Variants in SYT14 observed in about 807,000 individuals in gnomAD.
SYT14 encodes the protein synaptotagmin 14.
In SYT14, 32 loss-of-function variants were observed where a neutral mutation model predicts 74.2. The observed-to-expected ratio is 0.43, with a 90% CI of 0.33 to 0.58. SYT14 has a LOEUF of 0.58. Ranked by LOEUF, SYT14 falls within the 20% of genes least tolerant of loss-of-function variation. The pLI, the probability that SYT14 is intolerant of heterozygous loss-of-function variation, is 0.05. For missense variants in SYT14, 791 were observed against 981.8 expected, an observed-to-expected ratio of 0.81 and a Z score of 2.60; for synonymous variants, 298 against 337.7, an observed-to-expected ratio of 0.88 and a Z score of 1.29.
chr1:210,024,076 G>A (rs987314143), intron 5 of SYT14, among the ~76,000 whole-genome samples: 5 of 152,160 alleles, frequency 3.3e-5, no homozygotes, highest in Non-Finnish European at 7.3e-5. Context: ...ACATAGGTGC[G>A]TCTATACATA....
At position 210,004,153 on chromosome 1, in the gene SYT14, T is replaced by G. The variant is rs545156164; in HGVS notation, c.-485-9480T>G. Among the ~76,000 whole-genome samples, 3 of 152,242 alleles carry G rather than the reference T, an allele frequency of 2.0e-5. No individual in the cohort carries two copies. In the South Asian group the frequency reaches 6.2e-4, roughly 32 times the overall value. On this transcript the variant is annotated intron_variant, in intron 2 of 9. Coordinates refer to ENST00000637265, the Ensembl canonical transcript of SYT14. ...TGACACATTTTACTGAGCCAACATT[T>G]TCATTAACATTTATTAGTGTTTGGC...
At chr1:210,092,835 G>A (rs2081899803) in intron 5 of SYT14, among the ~76,000 whole-genome samples, 1 of 152,152 alleles carries the variant, frequency 6.6e-6, no homozygotes, top group Non-Finnish European at 1.5e-5. Context: ...CAAACATACA[G>A]ACTTTTTCTT....
At chr1:210,095,399 G>A (rs1047811670) in intron 6 of SYT14, among the ~76,000 whole-genome samples, 1 of 152,132 alleles carries the variant, frequency 6.6e-6, no homozygotes, top group Non-Finnish European at 1.5e-5. Context: ...TACTACAGGT[G>A]TGCACCACCA....
chr1:210,017,803 A>C (rs115303205), intron 4 of SYT14, among the ~76,000 whole-genome samples: 140 of 152,344 alleles, frequency 9.2e-4, no homozygotes, highest in African/African-American at 3.2e-3. Context: ...TCATACTGCT[A>C]ATAATTACTT....
At chr1:210,004,052 A>G (rs1038596472) in intron 2 of SYT14, among the ~76,000 whole-genome samples, 2 of 152,040 alleles carry the variant, frequency 1.3e-5, no homozygotes, top group Non-Finnish European at 2.9e-5. Context: ...TAATAGAATG[A>G]TTAGTTTTCA....
chr1:209,977,364 T>G (rs193249156), intron 2 of SYT14, among the ~76,000 whole-genome samples: 1 of 152,228 alleles, frequency 6.6e-6, no homozygotes, highest in East Asian at 1.9e-4. Flanking sequence ...TTTCCATGTT[T>G]AGTGCTTCCT....
At chr1:209,942,498 C>G (rs576110480) in intron 1 of SYT14, among the ~76,000 whole-genome samples, 2 of 152,118 alleles carry the variant, frequency 1.3e-5, no homozygotes, top group African/African-American at 4.8e-5. Context: ...TAAGTCCTGC[C>G]AAGTCTACAA....
intron 5 of SYT14, among the ~76,000 whole-genome samples, chr1:210,074,635 C>T (rs1355865863): frequency 5.9e-5 from 9 of 152,130 alleles, no homozygotes; most frequent in African/African-American, 1.9e-4. Context: ...AAGAAAATGC[C>T]CTCAGAAAGC....
At chr1:210,048,571 C>T (rs993272534) in intron 5 of SYT14, among the ~76,000 whole-genome samples, 22 of 152,198 alleles carry the variant, frequency 1.4e-4, no homozygotes, top group African/African-American at 5.3e-4. Context: ...AGTCACCTCC[C>T]ATCGAGTGCC....
chr1:209,995,417 A>G (rs1053847107), intron 2 of SYT14, among the ~76,000 whole-genome samples: 5 of 152,246 alleles, frequency 3.3e-5, no homozygotes, highest in Non-Finnish European at 7.3e-5. Context: ...GAAAAGTACA[A>G]TCCAACAAGA....
intron 5 of SYT14, among the ~76,000 whole-genome samples, chr1:210,083,766 G>A (rs1292104000): frequency 4.6e-5 from 7 of 151,752 alleles, no homozygotes; most frequent in South Asian, 2.1e-4. Context: ...ATGAACTTTC[G>A]CCACATTGCC....
At chr1:210,060,108 C>T (rs1436134344) in intron 5 of SYT14, among the ~76,000 whole-genome samples, 5 of 152,118 alleles carry the variant, frequency 3.3e-5, no homozygotes, top group East Asian at 1.9e-4. Flanking sequence ...ATAACTTAGA[C>T]GTAGTTAGAG....
At chr1:210,095,509 C>T (rs967729179) in intron 6 of SYT14, among the ~76,000 whole-genome samples, 1 of 152,186 alleles carries the variant, frequency 6.6e-6, no homozygotes, top group Admixed American at 6.5e-5. Flanking sequence ...CTGCTTCAGC[C>T]TCCCAAAGTG....
intron 5 of SYT14, among the ~76,000 whole-genome samples, chr1:210,085,360 ATCT>A (rs1553276312): frequency 6.6e-6 from 1 of 152,134 alleles, no homozygotes; most frequent in Non-Finnish European, 1.5e-5. Flanking sequence ...ATCATTTTAC[ATCT>A]TCTTTTTCTC....
At chr1:210,029,336 T>C (rs954937025) in intron 5 of SYT14, among the ~76,000 whole-genome samples, 2 of 152,166 alleles carry the variant, frequency 1.3e-5, no homozygotes, top group Non-Finnish European at 2.9e-5. Context: ...ATCCAAGAAA[T>C]CTGCCAAATC....
At chr1:210,117,739 A>T (rs2102600336) in intron 7 of SYT14, among the ~76,000 whole-genome samples, 1 of 152,326 alleles carries the variant, frequency 6.6e-6, no homozygotes, top group East Asian at 1.9e-4. Context: ...TCATAAAAGA[A>T]AGCCTTTTGT....
At chr1:209,978,896 G>T (rs1444804349) in intron 2 of SYT14, among the ~76,000 whole-genome samples, 1 of 152,190 alleles carries the variant, frequency 6.6e-6, no homozygotes, top group Non-Finnish European at 1.5e-5. Context: ...ACTCAAGCCT[G>T]GGCAGTGGCG....
intron 2 of SYT14, among the ~76,000 whole-genome samples, chr1:209,974,658 T>A (rs1473957278): frequency 6.6e-6 from 1 of 152,042 alleles, no homozygotes; most frequent in Non-Finnish European, 1.5e-5. Context: ...TGCCTCCAGC[T>A]TTGTTCTTTT....
chr1:210,021,060 A>G (rs747046642), exon 5 of SYT14: 4 of 1,613,818 alleles, frequency 2.5e-6, no homozygotes, highest in Admixed American at 1.7e-5. Context: ...ATGGACAAAG[A>G]TGAGCATGGT....
Sources: gnomAD v4.1 joint callset for allele counts (sites outside exome capture counted in the v4.1 genomes callset) on GRCh38, gnomAD v4.1.1 for gene constraint, MANE v1.5 for transcripts, NCBI Gene and HGNC (gene_info 2026-07-23, HGNC 2026-07-21) for gene names.